The following KHDRBS2 variants were observed in gnomAD, a reference collection of about 807,000 sequenced individuals.
KHDRBS2 encodes KH domain-containing, RNA-binding, signal transduction-associated protein 2.
In KHDRBS2, 26 loss-of-function variants were observed where a neutral mutation model predicts 44.3. The observed-to-expected ratio is 0.59, with a 90% CI of 0.43 to 0.81. The LOEUF (loss-of-function observed/expected upper bound fraction) is 0.81. Among genes scored for constraint, KHDRBS2 ranks in the 40% least tolerant of loss-of-function variants. The pLI is 0.00. For synonymous variants in KHDRBS2, 194 were observed against 151.1 expected, an observed-to-expected ratio of 1.28 and a Z score of -2.08; for missense variants, 476 against 433.1, an observed-to-expected ratio of 1.10 and a Z score of -0.88.
chr6:61,909,434 G>T (rs556565127), intron 4 of KHDRBS2, among the ~76,000 whole-genome samples: 3 of 151,920 alleles, frequency 2.0e-5, no homozygotes, highest in Non-Finnish European at 2.9e-5. Flanking sequence ...CAAATAATTC[G>T]CTTTTTTGCT....
At chr6:61,597,773 T>TATATATATATATATAA in the KHDRBS2 span, among the ~76,000 whole-genome samples, 4 of 42,330 alleles carry the variant, frequency 9.4e-5, no homozygotes, top group African/African-American at 1.7e-4. Flanking sequence ...TATATATATA[T>TATATATATATATATAA]ACACCAAGAT....
intron 2 of KHDRBS2, among the ~76,000 whole-genome samples, chr6:62,161,119 T>C (rs952748962): frequency 2.0e-5 from 3 of 152,076 alleles, no homozygotes; most frequent in African/African-American, 7.2e-5. Context: ...GGTTCATCCA[T>C]GTTGCAGCAT....
intron 4 of KHDRBS2, among the ~76,000 whole-genome samples, chr6:61,957,520 CT>C (rs1767661149): frequency 6.6e-6 from 1 of 152,078 alleles, no homozygotes. Flanking sequence ...GGGTGGCTGT[CT>C]TTTACGGTCA....
At chr6:62,114,295 T>A (rs1805697135) in intron 2 of KHDRBS2, among the ~76,000 whole-genome samples, 1 of 152,114 alleles carries the variant, frequency 6.6e-6, no homozygotes, top group African/African-American at 2.4e-5. Context: ...ATCTCTTGCA[T>A]AAAACATTTA....
At chr6:62,126,215 C>T (rs1424464768) in intron 2 of KHDRBS2, among the ~76,000 whole-genome samples, 1 of 152,062 alleles carries the variant, frequency 6.6e-6, no homozygotes. Flanking sequence ...CAGTATTTGC[C>T]GTGGGCCTAG....
At chr6:61,858,401 T>A (rs187546662) in intron 6 of KHDRBS2, among the ~76,000 whole-genome samples, 15 of 151,994 alleles carry the variant, frequency 9.9e-5, no homozygotes, top group East Asian at 1.9e-4. Context: ...CTGGCATAAG[T>A]TTTTTTATTT....
At chr6:61,661,896 A>T in the KHDRBS2 span, among the ~76,000 whole-genome samples, 1 of 152,018 alleles carries the variant, frequency 6.6e-6, no homozygotes, top group Non-Finnish European at 1.5e-5. Context: ...GGGAAAAGCT[A>T]CTTTAAAGTT....
At chr6:61,901,221 A>T (rs756108666) in intron 5 of KHDRBS2, 23 bp downstream of exon 5, 1 of 1,602,816 alleles carries the variant, frequency 6.2e-7, no homozygotes, top group East Asian at 2.2e-5. Context: ...TCCTTAATTT[A>T]TTTAAAGTAA....
chr6:61,963,607 T>G (rs1032880425), intron 4 of KHDRBS2, among the ~76,000 whole-genome samples: 1 of 152,074 alleles, frequency 6.6e-6, no homozygotes, highest in Non-Finnish European at 1.5e-5. Context: ...CTCTCACTCT[T>G]TCTTTTCCAA....
intron 4 of KHDRBS2, among the ~76,000 whole-genome samples, chr6:61,941,559 G>A (rs1812133178): frequency 6.6e-6 from 1 of 152,026 alleles, no homozygotes; most frequent in Non-Finnish European, 1.5e-5. Context: ...CCTGAAGACT[G>A]ATCTAACCTG....
rs114751421 is a variant in KHDRBS2 at position 61,741,352 on chromosome 6, C to T, written c.811-8588G>A. Among the ~76,000 whole-genome samples, 471 of 151,856 alleles carry T rather than the reference C, an allele frequency of 3.1e-3. 3 individuals carry two copies. The highest frequency in any genetic ancestry group is 0.011 in the African/African-American group (455 of 41,472). On this transcript the variant is annotated intron_variant, in intron 6 of 8. Coordinates refer to ENST00000281156, the MANE Select transcript of KHDRBS2 (RefSeq NM_152688.4). ...AGATATTTGAAGGTTGCTTGCAACTCAGAAAAGGGAATCATCACATAAAAA... is the reference window on the plus strand; with the variant it reads ...AGATATTTGAAGGTTGCTTGCAACTTAGAAAAGGGAATCATCACATAAAAA...
At chr6:62,147,350 A>C (rs748334913) in intron 2 of KHDRBS2, among the ~76,000 whole-genome samples, 17 of 151,944 alleles carry the variant, frequency 1.1e-4, no homozygotes, top group Non-Finnish European at 1.9e-4. Flanking sequence ...TAATAGCAAT[A>C]TGTTTAGTGA....
At chr6:61,761,764 A>G (rs1779300353) in intron 6 of KHDRBS2, among the ~76,000 whole-genome samples, 1 of 152,214 alleles carries the variant, frequency 6.6e-6, no homozygotes. Context: ...AAATGGTGAT[A>G]CTAATACAAA....
At chr6:61,980,891 C>CA (rs1292102027) in intron 3 of KHDRBS2, among the ~76,000 whole-genome samples, 2 of 152,208 alleles carry the variant, frequency 1.3e-5, no homozygotes, top group African/African-American at 4.8e-5. Context: ...TTGTGTACTA[C>CA]AGTTCACCTT....
At chr6:62,011,301 G>A (rs1253580107) in intron 3 of KHDRBS2, among the ~76,000 whole-genome samples, 1 of 152,022 alleles carries the variant, frequency 6.6e-6, no homozygotes, top group Non-Finnish European at 1.5e-5. Context: ...TCAAGTAAAA[G>A]TATTTACAAA....
At chr6:61,552,071 T>C in the KHDRBS2 span, among the ~76,000 whole-genome samples, 2,276 of 152,138 alleles carry the variant, frequency 0.015, 57 homozygotes, top group African/African-American at 0.053. Flanking sequence ...CTATATTATA[T>C]AGAAATAGCA....
Position 62,025,042 on chromosome 6 carries a change from A to G in KHDRBS2, c.336+22836T>C, listed in dbSNP as rs145777240. On this transcript the variant is annotated intron_variant, in intron 3 of 8. Coordinates refer to ENST00000281156, the MANE Select transcript of KHDRBS2 (RefSeq NM_152688.4). ...TTATTTTTATAAAAATCAATAAAGT[A>G]TTGAAATTACTAAATATGTCTATAT... 3.3e-5 allele frequency among the ~76,000 whole-genome samples: 5 copies of G among 151,866 alleles called. No individual in the cohort carries two copies. The East Asian group carries it at 9.7e-4, about 29-fold the overall frequency.
At chr6:61,615,219 C>CCAAAAAAAAAAAAAAAAAAAAAAA in the KHDRBS2 span, among the ~76,000 whole-genome samples, 1 of 101,018 alleles carries the variant, frequency 9.9e-6, no homozygotes, top group Non-Finnish European at 1.9e-5. Flanking sequence ...GGTGACAGAG[C>CCAAAAAAAAAAAAAAAAAAAAAAA]AAGACTCCAT....
At chr6:61,578,059 G>A in the KHDRBS2 span, among the ~76,000 whole-genome samples, 1 of 152,042 alleles carries the variant, frequency 6.6e-6, no homozygotes. Context: ...TGTCTTGAAG[G>A]TAGAAGACAC....
Sources: gnomAD v4.1 joint callset for allele counts (sites outside exome capture counted in the v4.1 genomes callset) on GRCh38, gnomAD v4.1.1 for gene constraint, MANE v1.5 for transcripts, NCBI Gene and HGNC (gene_info 2026-07-23, HGNC 2026-07-21) for gene names.